The following DACH1 variants were observed in gnomAD, a reference collection of about 807,000 sequenced individuals.
The protein encoded by DACH1 is dachshund homolog 1.
DACH1 carries 12 observed loss-of-function variants against 54.2 expected under a neutral mutation model. The observed-to-expected ratio is 0.22, with a 90% CI of 0.14 to 0.36. DACH1 has a LOEUF of 0.36. DACH1 is among the 10% of genes least tolerant of loss of function. The pLI is 1.00. For synonymous variants in DACH1, 386 were observed against 366.2 expected (o/e 1.05, Z -0.62); for missense variants, 805 against 929.8 (o/e 0.87, Z 1.75).
At chr13:71,536,558 T>C (rs1190982732) in intron 6 of DACH1, among the ~76,000 whole-genome samples, 1 of 152,148 alleles carries the variant, frequency 6.6e-6, no homozygotes, top group Non-Finnish European at 1.5e-5. Flanking sequence ...TGTTGCCCAG[T>C]GGCTGCAAAT....
intron 1 of DACH1, among the ~76,000 whole-genome samples, chr13:71,813,133 C>A (rs961482303): frequency 2.0e-5 from 3 of 152,030 alleles, no homozygotes; most frequent in Non-Finnish European, 4.4e-5. Flanking sequence ...AACTGAGTAC[C>A]TACTATGTTA....
At chr13:71,857,780 T>A (rs1053987810) in intron 1 of DACH1, among the ~76,000 whole-genome samples, 3 of 151,660 alleles carry the variant, frequency 2.0e-5, no homozygotes, top group African/African-American at 7.2e-5. Context: ...TTTTGAATAA[T>A]CAAATTAAAT....
chr13:71,636,792 C>G (rs575846879), intron 2 of DACH1, among the ~76,000 whole-genome samples: 1 of 151,930 alleles, frequency 6.6e-6, no homozygotes, highest in Non-Finnish European at 1.5e-5. Context: ...CCTATTGAAT[C>G]TTGACAAACT....
chr13:71,495,851 T>C (rs898481079), intron 6 of DACH1, among the ~76,000 whole-genome samples: 2 of 152,120 alleles, frequency 1.3e-5, no homozygotes, highest in Non-Finnish European at 2.9e-5. Flanking sequence ...AAAAAGATAC[T>C]TGCACTTGTA....
chr13:71,839,924 C>T (rs981419355), intron 1 of DACH1, among the ~76,000 whole-genome samples: 7 of 151,998 alleles, frequency 4.6e-5, no homozygotes, highest in African/African-American at 1.7e-4. Flanking sequence ...CTCCCTATAT[C>T]CCCACTAAAG....
At chr13:71,503,449 G>C (rs1185219868) in intron 6 of DACH1, among the ~76,000 whole-genome samples, 1 of 152,152 alleles carries the variant, frequency 6.6e-6, no homozygotes, top group Non-Finnish European at 1.5e-5. Context: ...CTTTAAGTTA[G>C]ATGAGCCTGA....
At chr13:71,836,917 A>C (rs1331413053) in intron 1 of DACH1, among the ~76,000 whole-genome samples, 2 of 151,980 alleles carry the variant, frequency 1.3e-5, no homozygotes, top group Non-Finnish European at 2.9e-5. Context: ...TTTTTATCCA[A>C]AACACCTAGA....
intron 4 of DACH1, among the ~76,000 whole-genome samples, chr13:71,562,803 G>A (rs1884671356): frequency 6.6e-6 from 1 of 151,998 alleles, no homozygotes; most frequent in Admixed American, 6.6e-5. Flanking sequence ...GTTTCAAATG[G>A]CAATATTCTC....
intron 2 of DACH1, among the ~76,000 whole-genome samples, chr13:71,655,630 C>CT (rs1879043334): frequency 1.3e-5 from 2 of 152,030 alleles, no homozygotes. Context: ...CTCTGCCTCC[C>CT]TAAGTGCTGG....
At chr13:71,510,788 C>A (rs1464710170) in intron 6 of DACH1, among the ~76,000 whole-genome samples, 1 of 151,836 alleles carries the variant, frequency 6.6e-6, no homozygotes, top group African/African-American at 2.4e-5. Context: ...TCCTCTATTG[C>A]AACGTTCAGT....
chr13:71,766,121 CGTGATCCGTCCGCCTCGGCCTCCCAAA>C (rs1179048391), intron 1 of DACH1, among the ~76,000 whole-genome samples: 1 of 151,972 alleles, frequency 6.6e-6, no homozygotes, highest in Non-Finnish European at 1.5e-5. Context: ...CTCCTGACCT[CGTGATCCGTCCGCCTCGGCCTCCCAAA>C]GTGCTGGGAT....
At chr13:71,778,613 A>T (rs575760091) in intron 1 of DACH1, among the ~76,000 whole-genome samples, 12 of 152,198 alleles carry the variant, frequency 7.9e-5, no homozygotes, top group African/African-American at 2.6e-4. Context: ...TTATAAAAAA[A>T]ATTCTTATAA....
intron 2 of DACH1, among the ~76,000 whole-genome samples, chr13:71,633,105 C>G (rs897654822): frequency 1.3e-5 from 2 of 152,090 alleles, no homozygotes; most frequent in African/African-American, 4.8e-5. Flanking sequence ...AAAACTTGTT[C>G]ACAGTATTCA....
At chr13:71,693,295 G>GTTTTTTT (rs1881619219) in intron 1 of DACH1, among the ~76,000 whole-genome samples, 1 of 112,710 alleles carries the variant, frequency 8.9e-6, no homozygotes, top group African/African-American at 4.2e-5. Flanking sequence ...CATTTGTTTT[G>GTTTTTTT]CTTTTTTTTT....
At chr13:71,499,991 G>A (rs1187587444) in intron 6 of DACH1, among the ~76,000 whole-genome samples, 3 of 151,704 alleles carry the variant, frequency 2.0e-5, no homozygotes, top group Non-Finnish European at 4.4e-5. Context: ...GAAAGTCTGA[G>A]TTAATGATTA....
At chr13:71,484,913 A>T (rs983612782) in intron 7 of DACH1, among the ~76,000 whole-genome samples, 1 of 152,002 alleles carries the variant, frequency 6.6e-6, no homozygotes. Flanking sequence ...TGCTTTTTAA[A>T]AATTGCCAGG....
rs1880366956 is a variant in DACH1, at chr13:71,506,782, C to T, written c.1571-17634G>A. On this transcript the variant is annotated intron_variant, in intron 6 of 10. Transcript: ENST00000613252. ...CTACAACTATCTGATCTTTGATAAACCTGAGAAAAACAAGCAATGGGGAAA... is the reference window on the plus strand; with the variant it reads ...CTACAACTATCTGATCTTTGATAAATCTGAGAAAAACAAGCAATGGGGAAA... Among the ~76,000 whole-genome samples the T allele has an allele frequency of 5.3e-5, 8 of 151,996 alleles. No homozygotes were observed. In the South Asian group the frequency reaches 1.7e-3, roughly 32 times the overall value.
intron 3 of DACH1, among the ~76,000 whole-genome samples, chr13:71,629,548 T>C (rs1876925641): frequency 6.6e-6 from 1 of 152,136 alleles, no homozygotes; most frequent in Non-Finnish European, 1.5e-5. Context: ...CTTGTGAAAA[T>C]GATTGTTACT....
chr13:71,842,957 A>G (rs1031089848), intron 1 of DACH1, among the ~76,000 whole-genome samples: 1 of 152,214 alleles, frequency 6.6e-6, no homozygotes, highest in Non-Finnish European at 1.5e-5. Flanking sequence ...TTCATTTTCA[A>G]TAACATTTTA....
Sources: gnomAD v4.1 joint callset for allele counts (sites outside exome capture counted in the v4.1 genomes callset) on GRCh38, gnomAD v4.1.1 for gene constraint, MANE v1.5 for transcripts, NCBI Gene and HGNC (gene_info 2026-07-23, HGNC 2026-07-21) for gene names.